IRS2: variants seen among roughly 807,000 people sequenced by gnomAD.
The protein encoded by IRS2 is insulin receptor substrate 2.
Under a neutral mutation model 70.9 loss-of-function variants are expected in IRS2, and 28 were observed. That is an observed-to-expected ratio of 0.39 (90% confidence interval 0.29 to 0.54). The LOEUF (loss-of-function observed/expected upper bound fraction) is 0.54. Ranked by LOEUF, IRS2 falls within the 20% of genes least tolerant of loss-of-function variation. The pLI is 0.59. For missense variants in IRS2, 2,081 were observed against 2,024.1 expected (o/e 1.03, Z -0.54); for synonymous variants, 1,217 against 981.9 (o/e 1.24, Z -4.48).
In IRS2 at chr13:109,784,180, T is replaced by C. The variant is rs2138935035; in HGVS notation, c.1874A>G (p.Tyr625Cys). The change falls in exon 1 of 2, where the codon TAC (tyrosine) becomes TGC (cysteine). Residue 625 changes from tyrosine to cysteine, a missense_variant. Tyr to Cys is a radical substitution (Grantham distance 194). This residue lies in a region of IRS2 where 1,615 missense variants were observed against 1,459.5 expected (regional missense o/e 1.11). Coordinates refer to ENST00000375856, the MANE Select transcript of IRS2 (RefSeq NM_003749.3). This position sits in a 1 kb window ranked among gnomAD's most constrained non-coding sequence, Gnocchi z 5.2. ...SCPASSPKVA[Y>C]HPYPEDYGDI... is the part of the protein sequence containing the mutation. The stretch of plus-strand genomic sequence containing the variant: ...TCCGTAGTCCTCTGGGTAGGGGTGG[T>C]AGGCCACCTTGGGAGAGGACGCGGG... 1.3e-6 allele frequency: 2 copies of C among 1,579,274 alleles called. No individual in the cohort carries two copies. The highest frequency in any genetic ancestry group is 1.7e-6 in the Non-Finnish European group (2 of 1,165,126).
rs1020361276 is a variant in IRS2 at position 109,754,825 on chromosome 13, A to G, written c.*1479T>C. 3 of 191,426 alleles carry G rather than the reference A, an allele frequency of 1.6e-5. No individual in the cohort carries two copies. The highest frequency in any genetic ancestry group is 3.3e-5 in the Non-Finnish European group (3 of 91,688). The allele number at this position is 191,426 out of a possible 1,614,324, so 11.9% of individuals were successfully genotyped here. On this transcript the variant is annotated 3_prime_UTR_variant, in exon 2 of 2. Transcript: ENST00000375856. ...TTCTATAGCGATAGATATCTATTAT[A>G]TATTTATATATATTTTTCTAAAAAC...
At chr13:109,774,294 T>C (rs1324486625) in intron 1 of IRS2, among the ~76,000 whole-genome samples, 1 of 152,178 alleles carries the variant, frequency 6.6e-6, no homozygotes, top group East Asian at 1.9e-4. Flanking sequence ...AACAGATCCA[T>C]CACCAACTTG....
chr13:109,756,336 G>A (rs767977535), intron 1 of IRS2, 28 bp from the exon 2 acceptor site: 3 of 1,610,038 alleles, frequency 1.9e-6, no homozygotes, highest in African/African-American at 2.7e-5. Context: ...GAAGTTAGCA[G>A]AGACCCTCAG....
Position 109,784,826 on chromosome 13 carries a change from CG to C in IRS2, c.1227del (p.Cys409TrpfsTer135). 8.0e-7 allele frequency: 1 copy of C among 1,257,124 alleles called. No homozygotes were observed. Among genetic ancestry groups the C allele is most frequent in the Admixed American group, 3.4e-5 (1 of 29,756 alleles). The allele number at this position is 1,257,124 out of a possible 1,614,324, so 77.9% of individuals were successfully genotyped here. On this transcript the variant is annotated frameshift_variant, in exon 1 of 2. Coordinates refer to ENST00000375856, the MANE Select transcript of IRS2 (RefSeq NM_003749.3). LOFTEE classifies it high-confidence loss of function. The surrounding 1 kb of genome is among the most constrained non-coding windows in gnomAD (Gnocchi z 5.2). ...AGCGCCACCTTGCTCCCGCGGCCGC[CG>C]CAGCCGCCGCTCAGGGTGTGCGAGC... ...LSRSHTLSGG[C>X]GGRGSKVALL...
In IRS2 at chr13:109,754,307, A is replaced by C. The variant is rs1293410184; in HGVS notation, c.*1997T>G. 3 of 224,480 alleles carry C rather than the reference A, an allele frequency of 1.3e-5. No individual in the cohort carries two copies. Among genetic ancestry groups the C allele is most frequent in the African/African-American group, 6.7e-5 (3 of 44,886 alleles). 13.9% of individuals were successfully genotyped at this position (224,480 alleles called of 1,614,324 possible). On this transcript the variant is annotated 3_prime_UTR_variant, in exon 2 of 2. Coordinates refer to ENST00000375856, the MANE Select transcript of IRS2 (RefSeq NM_003749.3). ...AGGATAGAGGAAAATTTAGCATATT[A>C]TCATCTGTGTATTTTGCTTGTTTTA...
At chr13:109,780,622 G>A (rs967110371) in intron 1 of IRS2, among the ~76,000 whole-genome samples, 4 of 152,124 alleles carry the variant, frequency 2.6e-5, no homozygotes, top group Non-Finnish European at 5.9e-5. Context: ...ACAGATGCTG[G>A]ATTTAGATAG....
In IRS2 at chr13:109,783,763, C is replaced by T. The variant is rs753505076; in HGVS notation, c.2291G>A (p.Gly764Glu). ...EHADGKLLPN[G>E]DYLNVSPSDA... ...GCTGGGGGACACGTTGAGGTAGTCC[C>T]CGTTGGGCAGCAGCTTGCCATCTGC... The change falls in exon 1 of 2, where the codon GGG becomes GAG. Residue 764 changes from glycine to glutamate, a missense_variant. Coordinates refer to ENST00000375856, the MANE Select transcript of IRS2 (RefSeq NM_003749.3). 10 of 1,594,686 alleles carry T rather than the reference C, an allele frequency of 6.3e-6. No individual in the cohort carries two copies. The highest frequency in any genetic ancestry group is 1.3e-5 in the African/African-American group (1 of 74,534).
rs751311445 is a variant in IRS2 at position 109,783,125 on chromosome 13, C to T, written c.2929G>A (p.Asp977Asn). 2.3e-5 allele frequency: 32 copies of T among 1,385,378 alleles called. No homozygotes were observed. The highest frequency in any genetic ancestry group is 2.0e-5 in the Non-Finnish European group (21 of 1,076,302). 85.8% of individuals were successfully genotyped at this position (1,385,378 alleles called of 1,614,324 possible). Residue 977 changes from aspartate to asparagine, a missense_variant, in exon 1 of 2, where the codon GAC becomes AAC. By Grantham distance (23) the Asp-to-Asn change is conservative (BLOSUM62 1). Coordinates refer to ENST00000375856, the MANE Select transcript of IRS2 (RefSeq NM_003749.3). The stretch of plus-strand genomic sequence containing the variant: ...GAGCTGAAGTCGAGGTTCATGTAGT[C>T]GGAGAGCGGAGACCGCTGCCGGCTG... ...SDSRQRSPLSDYMNLDFSSPK... is the reference protein window; with the variant it reads ...SDSRQRSPLSNYMNLDFSSPK...
chr13:109,760,354 T>TA (rs1183104899), intron 1 of IRS2, among the ~76,000 whole-genome samples: 1 of 152,182 alleles, frequency 6.6e-6, no homozygotes, highest in East Asian at 1.9e-4. Flanking sequence ...GTAATCTATA[T>TA]AAAAAATGTA....
At chr13:109,770,232 G>A (rs1877422306) in intron 1 of IRS2, among the ~76,000 whole-genome samples, 2 of 152,308 alleles carry the variant, frequency 1.3e-5, no homozygotes, top group South Asian at 4.1e-4. Context: ...GATGCCTATA[G>A]AAAGAATGTG....
chr13:109,778,970 C>A (rs927574512), intron 1 of IRS2, among the ~76,000 whole-genome samples: 1 of 152,160 alleles, frequency 6.6e-6, no homozygotes, highest in Admixed American at 6.5e-5. Context: ...AACAACGAAA[C>A]CTAACAAATT....
In IRS2 at chr13:109,755,043, A is replaced by G. The variant is rs1877072160; in HGVS notation, c.*1261T>C. ...TCAGCAGTTTTAGGTAACATCTGCG[A>G]GAACTGCCACACACTGGTATTTTCA... On this transcript the variant is annotated 3_prime_UTR_variant, in exon 2 of 2. Transcript: ENST00000375856. The G allele has an allele frequency of 4.4e-6, 1 of 228,170 alleles. No individual in the cohort carries two copies. Among genetic ancestry groups the G allele is most frequent in the South Asian group, 1.8e-4 (1 of 5,498 alleles). 14.1% of individuals were successfully genotyped at this position (228,170 alleles called of 1,614,324 possible). A position where few individuals can be genotyped will look rare whatever the true frequency, so the allele number is the denominator to read the frequency against.
At chr13:109,761,860 G>A (rs1205906140) in intron 1 of IRS2, among the ~76,000 whole-genome samples, 4 of 152,174 alleles carry the variant, frequency 2.6e-5, no homozygotes, top group East Asian at 1.9e-4. Context: ...AAAAAATTCC[G>A]AATATCAAGT....
At position 109,782,674 on chromosome 13, in the gene IRS2, G is replaced by T; in HGVS notation, c.3380C>A (p.Pro1127Gln). The T allele has an allele frequency of 6.4e-7, 1 of 1,573,492 alleles. No individual in the cohort carries two copies. Among genetic ancestry groups the T allele is most frequent in the Non-Finnish European group, 8.6e-7 (1 of 1,161,352 alleles). ...GACCTTGGCGCCGCGGTGGGGGTCC[G>T]GGGGCTGGCTGGCCTGCAGGAAGGC... ...VEAFLQASQPPDPHRGAKVIR... is the reference protein window; with the variant it reads ...VEAFLQASQPQDPHRGAKVIR... The change falls in exon 1 of 2, where the codon CCG (proline) becomes CAG (glutamine). Residue 1127 changes from proline (P) to glutamine (Q), a missense_variant. Pro to Gln is a moderately conservative substitution (Grantham distance 76, BLOSUM62 -1). This residue lies in a region of IRS2 where 1,615 missense variants were observed against 1,459.5 expected (regional missense o/e 1.11). Coordinates refer to ENST00000375856, the MANE Select transcript of IRS2 (RefSeq NM_003749.3).
chr13:109,784,173 G>C lies in IRS2; in HGVS notation c.1881C>G (p.Pro627=). Residue 627 remains proline, a synonymous_variant, in exon 1 of 2, where the codon CCC becomes CCG. Coordinates refer to ENST00000375856, the MANE Select transcript of IRS2 (RefSeq NM_003749.3). The surrounding 1 kb of genome is among the most constrained non-coding windows in gnomAD (Gnocchi z 5.2). ...CGATGTCTCCGTAGTCCTCTGGGTAGGGGTGGTAGGCCACCTTGGGAGAGG... is the reference window on the plus strand; with the variant it reads ...CGATGTCTCCGTAGTCCTCTGGGTACGGGTGGTAGGCCACCTTGGGAGAGG... ...PASSPKVAYH[P]YPEDYGDIEI... The C allele has an allele frequency of 6.3e-7, 1 of 1,581,432 alleles. No homozygotes were observed. The highest frequency in any genetic ancestry group is 1.7e-5 in the Admixed American group (1 of 58,160).
chr13:109,782,026 C>A lies in IRS2; in HGVS notation c.4012+16G>T, dbSNP rs1191931713. 6.2e-7 allele frequency: 1 copy of A among 1,611,676 alleles called. No homozygotes were observed. Among genetic ancestry groups the A allele is most frequent in the Non-Finnish European group, 8.5e-7 (1 of 1,179,602 alleles). On this transcript the variant is annotated intron_variant, in intron 1 of 1. Coordinates refer to ENST00000375856, the MANE Select transcript of IRS2 (RefSeq NM_003749.3). Reference sequence around the variant, plus strand: ...CCCTCCTTCCCGCCAGACGCCAAGGCAAAGGGCCTCCTCACCTTTCACGAT... The same window carrying A: ...CCCTCCTTCCCGCCAGACGCCAAGGAAAAGGGCCTCCTCACCTTTCACGAT...
intron 1 of IRS2, among the ~76,000 whole-genome samples, chr13:109,757,829 G>C (rs145860032): frequency 6.6e-6 from 1 of 151,960 alleles, no homozygotes; most frequent in Non-Finnish European, 1.5e-5. Flanking sequence ...TTACAGGTAC[G>C]TGCCACCATG....
intron 1 of IRS2, among the ~76,000 whole-genome samples, chr13:109,776,309 A>G (rs1339997266): frequency 6.6e-6 from 1 of 152,240 alleles, no homozygotes; most frequent in African/African-American, 2.4e-5. Flanking sequence ...GTGTATATAG[A>G]TATCATATAT....
rs547667501 is a variant in IRS2, at chr13:109,756,170, A to G, written c.*134T>C. 21 of 793,496 alleles carry G rather than the reference A, an allele frequency of 2.6e-5. No individual in the cohort carries two copies. The South Asian group carries it at 2.7e-4, about 10-fold the overall frequency. 49.2% of individuals were successfully genotyped at this position (793,496 alleles called of 1,614,324 possible). On this transcript the variant is annotated 3_prime_UTR_variant, in exon 2 of 2. Coordinates refer to ENST00000375856, the MANE Select transcript of IRS2 (RefSeq NM_003749.3). ...GTGCCTCATCTAACAGAGTCCACAG[A>G]TGTTTCCAAACACAGTCATTGCTCA...
Sources: gnomAD v4.1 joint callset for allele counts (sites outside exome capture counted in the v4.1 genomes callset) on GRCh38, gnomAD v4.1.1 for gene constraint, gnomAD v4.1.1 regional missense constraint, Gnocchi (gnomAD v3.1) non-coding constraint, MANE v1.5 for transcripts, NCBI Gene and HGNC (gene_info 2026-07-23, HGNC 2026-07-21) for gene names.